AFF3: variants seen among roughly 807,000 people sequenced by gnomAD.
AFF3 encodes the protein AF4/FMR2 family member 3.
AFF3 carries 32 observed loss-of-function variants against 129.7 expected under a neutral mutation model. The observed-to-expected ratio is 0.25, with a 90% CI of 0.19 to 0.33. AFF3 has a LOEUF of 0.33. Ranked by LOEUF, AFF3 falls within the 10% of genes least tolerant of loss-of-function variation. The probability of loss-of-function intolerance (pLI) is 1.00; values close to 1 mark genes in which losing one functional copy is unlikely to be tolerated. For synonymous variants in AFF3, 644 were observed against 635.4 expected (o/e 1.01, Z -0.20); for missense variants, 1,373 against 1,592.0 (o/e 0.86, Z 2.34).
chr2:99,760,533 ATTATT>A (rs1463362569), intron 8 of AFF3, among the ~76,000 whole-genome samples: 1 of 152,190 alleles, frequency 6.6e-6, no homozygotes, highest in Non-Finnish European at 1.5e-5. Flanking sequence ...CTTGCTCCAC[ATTATT>A]TTATCACTGA....
intron 24 of AFF3, among the ~76,000 whole-genome samples, chr2:99,553,436 G>C (rs987563230): frequency 2.0e-5 from 3 of 152,194 alleles, no homozygotes; most frequent in African/African-American, 7.2e-5. Flanking sequence ...AACATAGTTT[G>C]CATTTCATGG....
chr2:99,922,321 C>G (rs185666474), intron 7 of AFF3, among the ~76,000 whole-genome samples: 31 of 152,210 alleles, frequency 2.0e-4, no homozygotes, highest in African/African-American at 7.2e-4. Context: ...TAGAAATAGC[C>G]TGGATTTCCA....
chr2:99,820,934 G>A (rs1380936903), intron 8 of AFF3, among the ~76,000 whole-genome samples: 1 of 140,186 alleles, frequency 7.1e-6, no homozygotes, highest in Non-Finnish European at 1.5e-5. Context: ...GTCCAGTGGC[G>A]CAATCTTGGC....
At chr2:100,125,431 C>T (rs1559137041) in intron 2 of AFF3, among the ~76,000 whole-genome samples, 2 of 152,068 alleles carry the variant, frequency 1.3e-5, no homozygotes, top group Admixed American at 6.6e-5. Context: ...GAAACAAGCT[C>T]GCAGAGTGGG....
intron 8 of AFF3, among the ~76,000 whole-genome samples, chr2:99,837,184 T>C (rs1426024931): frequency 6.6e-6 from 1 of 152,148 alleles, no homozygotes; most frequent in Non-Finnish European, 1.5e-5. Flanking sequence ...GGGTGATAAA[T>C]GGGGCATCCA....
intron 7 of AFF3, among the ~76,000 whole-genome samples, chr2:99,899,027 G>A (rs761971872): frequency 1.3e-5 from 2 of 152,158 alleles, no homozygotes; most frequent in Non-Finnish European, 2.9e-5. Flanking sequence ...CACTGCAAAT[G>A]CCGTATTTCT....
intron 11 of AFF3, among the ~76,000 whole-genome samples, chr2:99,719,046 C>T (rs62156499): frequency 0.15 from 19,943 of 133,206 alleles, 1,539 homozygotes; most frequent in East Asian, 0.27. Context: ...CCAACGCGCC[C>T]GGCCTTTTTT....
intron 7 of AFF3, among the ~76,000 whole-genome samples, chr2:99,868,932 A>C (rs966917420): frequency 3.3e-5 from 5 of 152,114 alleles, no homozygotes; most frequent in African/African-American, 1.2e-4. Flanking sequence ...AGCTGGGACT[A>C]CTGATGTGCA....
Position 100,142,524 on chromosome 2 carries a change from C to G in AFF3, c.-268G>C, listed in dbSNP as rs926881231. ...CCTTTTCTTTCTCTCCCCAGTAAGT[C>G]GTTGAACGTCTTTCTTCTGAGGCTG... On this transcript the variant is annotated 5_prime_UTR_variant, in exon 1 of 25. Transcript: ENST00000672756. 6.6e-6 allele frequency: 1 copy of G among 152,368 alleles called. No individual in the cohort carries two copies. 9.4% of individuals were successfully genotyped at this position (152,368 alleles called of 1,614,324 possible). A position where few individuals can be genotyped will look rare whatever the true frequency, so the allele number is the denominator to read the frequency against.
chr2:100,052,730 C>A (rs980689218), intron 4 of AFF3, among the ~76,000 whole-genome samples: 6 of 152,124 alleles, frequency 3.9e-5, no homozygotes, highest in African/African-American at 1.4e-4. Flanking sequence ...AATAATGTAT[C>A]TGTATGTCCA....
intron 13 of AFF3, among the ~76,000 whole-genome samples, chr2:99,635,592 A>G (rs1683577906): frequency 6.6e-6 from 1 of 152,052 alleles, no homozygotes; most frequent in African/African-American, 2.4e-5. Context: ...GTGAGCTACC[A>G]CATCTGGCCA....
In AFF3 at chr2:100,015,799, A is replaced by G. The variant is rs563692963; in HGVS notation, c.54-6867T>C. ...GTGGTAAAAAGGCAAGAATCTCCCA[A>G]CTGGAGTCTTTTGAAGCTCTGAGTT... On this transcript the variant is annotated intron_variant, in intron 4 of 24. Transcript: ENST00000672756. Among the ~76,000 whole-genome samples the G allele has an allele frequency of 1.6e-3, 243 of 152,242 alleles. 1 individual carries two copies. Among genetic ancestry groups the G allele is most frequent in the South Asian group, 4.6e-3 (22 of 4,824 alleles).
In AFF3 at chr2:99,551,525, C is replaced by T; in HGVS notation, c.3630G>A (p.Gln1210=). ...TLHSSMEHLV[Q]YSQQGLHWLR... ...GCCAGTGCAGGCCCTGTTGGGAGTA[C>T]TGGACCAGGTGCTCCATGCTGCTGT... Residue 1210 remains glutamine, a synonymous_variant, in exon 25 of 25, where the codon CAG becomes CAA. Transcript: ENST00000672756. The T allele has an allele frequency of 6.2e-7, 1 of 1,614,146 alleles. No homozygotes were observed. The highest frequency in any genetic ancestry group is 8.5e-7 in the Non-Finnish European group (1 of 1,180,042).
At chr2:99,913,609 C>T (rs1029790630) in intron 7 of AFF3, among the ~76,000 whole-genome samples, 1 of 152,124 alleles carries the variant, frequency 6.6e-6, no homozygotes. Flanking sequence ...ATGTGGTATC[C>T]GGATCTTGGT....
At chr2:99,875,731 G>A (rs1262354552) in intron 7 of AFF3, among the ~76,000 whole-genome samples, 3 of 152,134 alleles carry the variant, frequency 2.0e-5, no homozygotes, top group South Asian at 2.1e-4. Context: ...TTCTAAAAAG[G>A]ACTAGTTCTG....
At chr2:99,575,128 A>C (rs1183238928) in intron 18 of AFF3, among the ~76,000 whole-genome samples, 1 of 152,164 alleles carries the variant, frequency 6.6e-6, no homozygotes, top group African/African-American at 2.4e-5. Context: ...TGTACTTGGC[A>C]CTTAGTAAGT....
At chr2:99,965,100 T>C (rs1231107107) in intron 7 of AFF3, among the ~76,000 whole-genome samples, 1 of 152,228 alleles carries the variant, frequency 6.6e-6, no homozygotes, top group African/African-American at 2.4e-5. Context: ...GTCTGAGATT[T>C]CAACTTTATA....
chr2:100,005,737 G>A (rs761285912), intron 7 of AFF3, among the ~76,000 whole-genome samples: 2 of 152,126 alleles, frequency 1.3e-5, no homozygotes, highest in Admixed American at 6.6e-5. Flanking sequence ...ATCCCTATCA[G>A]TCCGTGGTGA....
chr2:99,643,954 G>A (rs922929865), intron 13 of AFF3, among the ~76,000 whole-genome samples: 10 of 152,206 alleles, frequency 6.6e-5, no homozygotes, highest in African/African-American at 2.4e-4. Context: ...TAAGCCTTGT[G>A]AGTCCTTTCT....
Sources: gnomAD v4.1 joint callset for allele counts (sites outside exome capture counted in the v4.1 genomes callset) on GRCh38, gnomAD v4.1.1 for gene constraint, MANE v1.5 for transcripts, NCBI Gene and HGNC (gene_info 2026-07-23, HGNC 2026-07-21) for gene names.